Variants in DENND10 observed in about 807,000 individuals in gnomAD.
DENND10 encodes DENN domain containing 10, also known as DENN domain-containing protein 10.
In DENND10, 24 loss-of-function variants were observed where a neutral mutation model predicts 43.6. The ratio of observed to expected loss-of-function variants is 0.55; its 90% confidence interval spans 0.40 to 0.77. The LOEUF is 0.77. DENND10 is among the 30% of genes least tolerant of loss of function. DENND10 has a pLI of 0.00. For synonymous variants in DENND10, 125 were observed against 157.6 expected, an observed-to-expected ratio of 0.79 and a Z score of 1.55; for missense variants, 303 against 429.9, an observed-to-expected ratio of 0.70 and a Z score of 2.61.
At chr10:119,129,693 A>G (rs1461802887) in intron 7 of DENND10, 71 bp downstream of exon 7, 1 of 1,121,318 alleles carries the variant, frequency 8.9e-7, no homozygotes, top group African/African-American at 1.5e-5. Flanking sequence ...CTGATTCTCT[A>G]AAACCAGTAT....
At chr10:119,123,271 A>G (rs544080281) in intron 5 of DENND10, among the ~76,000 whole-genome samples, 198 bp from the exon 6 acceptor site, 1 of 152,334 alleles carries the variant, frequency 6.6e-6, no homozygotes, top group African/African-American at 2.4e-5. Flanking sequence ...CCATCTCAAA[A>G]AAATAAATAG....
chr10:119,104,975 G>A (rs375419862), intron 1 of DENND10: 1 of 152,126 alleles, frequency 6.6e-6, no homozygotes, highest in East Asian at 1.9e-4. Flanking sequence ...TAAAGCAGGA[G>A]TTTCTACACA....
At chr10:119,113,689 G>GAAA (rs1491534009) in intron 3 of DENND10, among the ~76,000 whole-genome samples, 1 of 25,096 alleles carries the variant, frequency 4.0e-5, no homozygotes, top group African/African-American at 6.8e-5. Context: ...ACCAAAAGAA[G>GAAA]CAAAAAAAAA....
intron 3 of DENND10, 26 bp from the exon 4 acceptor site, chr10:119,117,493 A>G: frequency 6.2e-7 from 1 of 1,604,982 alleles, no homozygotes; most frequent in East Asian, 2.2e-5. Flanking sequence ...ATGAAATCAC[A>G]GTTGCTTTGT....
intron 6 of DENND10, among the ~76,000 whole-genome samples, chr10:119,126,173 A>G (rs554287728): frequency 1.3e-5 from 2 of 152,212 alleles, no homozygotes; most frequent in South Asian, 4.1e-4. Context: ...CACTGTGTAT[A>G]TGCACCACAT....
At chr10:119,125,011 G>T (rs1845762157) in intron 6 of DENND10, among the ~76,000 whole-genome samples, 1 of 151,368 alleles carries the variant, frequency 6.6e-6, no homozygotes, top group Admixed American at 6.6e-5. Flanking sequence ...TGTTCTTGTT[G>T]TCCAGGCTGG....
At chr10:119,117,945 C>T (rs1420939540) in intron 4 of DENND10, among the ~76,000 whole-genome samples, 4 of 150,226 alleles carry the variant, frequency 2.7e-5, no homozygotes, top group Non-Finnish European at 5.9e-5. Context: ...CCGGCCTGGG[C>T]AACAGACGAG....
At chr10:119,106,363 G>C (rs2133450491) in intron 1 of DENND10, among the ~76,000 whole-genome samples, 1 of 152,288 alleles carries the variant, frequency 6.6e-6, no homozygotes, top group South Asian at 2.1e-4. Flanking sequence ...GTAGTCTTTA[G>C]AGACAGGGTC....
intron 6 of DENND10, among the ~76,000 whole-genome samples, chr10:119,128,884 A>AT (rs1353605968): frequency 6.6e-6 from 1 of 152,172 alleles, no homozygotes; most frequent in Admixed American, 6.6e-5. Flanking sequence ...TAAACCGCTC[A>AT]TAAGAAATCA....
At chr10:119,135,808 A>AAAAAAAAAAAAAAC (rs1846319653) in intron 8 of DENND10, among the ~76,000 whole-genome samples, 1 of 150,114 alleles carries the variant, frequency 6.7e-6, no homozygotes, top group Admixed American at 6.7e-5. Flanking sequence ...AAAAAAAAAA[A>AAAAAAAAAAAAAAC]AAAAAAAACC....
chr10:119,135,808 A>C (rs931194269), intron 8 of DENND10, among the ~76,000 whole-genome samples: 1 of 150,118 alleles, frequency 6.7e-6, no homozygotes, highest in Non-Finnish European at 1.5e-5. Context: ...AAAAAAAAAA[A>C]AAAAAAAACC....
At position 119,104,568 on chromosome 10, in the gene DENND10, G is replaced by T. The variant is rs999853141; in HGVS notation, c.55+371G>T. Among the ~76,000 whole-genome samples the T allele has an allele frequency of 6.4e-3, 909 of 142,700 alleles. 6 individuals are homozygous for T. The highest frequency in any genetic ancestry group is 0.022 in the African/African-American group (879 of 39,736). The allele number at this position is 142,700 out of a possible 152,430, so 93.6% of individuals were successfully genotyped here. On this transcript the variant is annotated intron_variant, in intron 1 of 8. Coordinates refer to ENST00000361432, the MANE Select transcript of DENND10 (RefSeq NM_207009.4). ...GGCGCTGCGCGGGCGGGGCCGGGCC[G>T]GGCGGGAGCAGCCGGCTGGCGGCGC...
intron 1 of DENND10, chr10:119,104,637 C>A (rs1439412977): frequency 6.6e-6 from 1 of 151,736 alleles, no homozygotes; most frequent in Non-Finnish European, 1.5e-5. Context: ...TTCCCCCGAG[C>A]CGGGGGCGGG....
intron 5 of DENND10, among the ~76,000 whole-genome samples, chr10:119,122,474 T>C (rs1845621839): frequency 6.6e-6 from 1 of 152,232 alleles, no homozygotes; most frequent in African/African-American, 2.4e-5. Flanking sequence ...ATTATTGTTA[T>C]GATCATGATT....
chr10:119,133,833 G>C (rs1426140679), intron 8 of DENND10: 1 of 147,256 alleles, frequency 6.8e-6, no homozygotes, highest in African/African-American at 2.7e-5. Context: ...CCCAACATTA[G>C]AGTAAAGACA....
At chr10:119,125,320 T>TC (rs1377308789) in intron 6 of DENND10, among the ~76,000 whole-genome samples, 1 of 152,032 alleles carries the variant, frequency 6.6e-6, no homozygotes, top group East Asian at 1.9e-4. Flanking sequence ...CTTTTTTTTT[T>TC]CATCTTAACT....
chr10:119,123,400 A>T, intron 5 of DENND10, 69 bp from the exon 6 acceptor site: 1 of 1,119,148 alleles, frequency 8.9e-7, no homozygotes, highest in Non-Finnish European at 1.3e-6. Context: ...CAGGAAGAGG[A>T]GAAGGGGGCA....
intron 3 of DENND10, chr10:119,114,462 A>G (rs376852382): frequency 3.3e-5 from 5 of 152,352 alleles, no homozygotes; most frequent in South Asian, 2.1e-4. Flanking sequence ...CTCATTCCCT[A>G]TGTGGCTGCA....
chr10:119,117,458 C>G (rs1158830750), intron 3 of DENND10, 61 bp from the exon 4 acceptor site: 18 of 1,559,558 alleles, frequency 1.2e-5, no homozygotes, highest in Admixed American at 1.8e-5. Flanking sequence ...AGCCTGGGTG[C>G]ACATCTGTAC....
Sources: allele counts gnomAD v4.1 joint callset (sites outside exome capture counted in the v4.1 genomes callset), GRCh38; gene constraint gnomAD v4.1.1; transcripts MANE v1.5; gene names NCBI Gene and HGNC (gene_info 2026-07-23, HGNC 2026-07-21).